Variants in LARS2 observed in about 807,000 individuals in gnomAD.
The protein encoded by LARS2 is leucyl-tRNA synthetase 2, mitochondrial.
Under a neutral mutation model 116.6 loss-of-function variants are expected in LARS2, and 81 were observed. The ratio of observed to expected loss-of-function variants is 0.69; its 90% CI spans 0.58 to 0.84. The LOEUF (loss-of-function observed/expected upper bound fraction) is 0.84. Ranked by LOEUF, LARS2 falls within the 40% of genes least tolerant of loss-of-function variation. The probability of loss-of-function intolerance (pLI) is 0.00; values close to 1 mark genes in which losing one functional copy is unlikely to be tolerated. For synonymous variants in LARS2, 396 were observed against 407.2 expected (o/e 0.97, Z 0.33); for missense variants, 968 against 1,114.5 (o/e 0.87, Z 1.87).
chr3:45,547,502 C>A lies in LARS2; in HGVS notation c.2684C>A (p.Ala895Asp). Residue 895 changes from alanine to aspartate, a missense_variant, in exon 22 of 22, where the codon GCC becomes GAC. Coordinates refer to ENST00000645846, the MANE Select transcript of LARS2 (RefSeq NM_015340.4). ...IKKSFLSPRT[A>D]LINFLVQD The stretch of plus-strand genomic sequence containing the variant: ...AAGTCCTTCCTTTCCCCGAGAACTG[C>A]CCTCATCAACTTCCTGGTGCAAGAT... 2 of 1,608,018 alleles carry A rather than the reference C, an allele frequency of 1.2e-6. No individual in the cohort carries two copies. Among genetic ancestry groups the A allele is most frequent in the Non-Finnish European group, 1.7e-6 (2 of 1,178,050 alleles).
At chr3:45,465,650 G>A (rs374695705) in intron 8 of LARS2, among the ~76,000 whole-genome samples, 3 of 152,344 alleles carry the variant, frequency 2.0e-5, no homozygotes, top group African/African-American at 7.2e-5. Context: ...ACTTCCTCCA[G>A]GAAAGGTCCT....
intron 6 of LARS2, among the ~76,000 whole-genome samples, chr3:45,436,708 G>A (rs1234917902): frequency 6.6e-6 from 1 of 151,650 alleles, no homozygotes; most frequent in Non-Finnish European, 1.5e-5. Context: ...GCAAGAGAAT[G>A]GCGTGAACCC....
At chr3:45,536,131 T>G (rs1700701702) in intron 20 of LARS2, among the ~76,000 whole-genome samples, 1 of 132,770 alleles carries the variant, frequency 7.5e-6, no homozygotes, top group South Asian at 2.7e-4. Context: ...TTTTATTTGT[T>G]TATTTTTTGA....
chr3:45,510,490 T>C (rs751333687), intron 15 of LARS2, among the ~76,000 whole-genome samples: 1 of 149,734 alleles, frequency 6.7e-6, no homozygotes, highest in Non-Finnish European at 1.5e-5. Flanking sequence ...TAAAATGTAA[T>C]AGCTGCTAGA....
rs761088045 is a variant in LARS2, at chr3:45,518,189, C to T, written c.2214+117C>T. ...GGTTGGGCCACTGTGGGTCTTCCTT[C>T]CTGGCAATGGCGGTCCTTCTTGCTT... is the stretch of plus-strand genomic sequence containing the variant. On this transcript the variant is annotated intron_variant, in intron 18 of 21. Coordinates refer to ENST00000645846, the MANE Select transcript of LARS2 (RefSeq NM_015340.4). 3.0e-4 allele frequency: 211 copies of T among 704,644 alleles called. 2 individuals carry two copies. Among genetic ancestry groups the T allele is most frequent in the Middle Eastern group, 2.7e-3 (7 of 2,572 alleles). 43.6% of individuals were successfully genotyped at this position (704,644 alleles called of 1,614,324 possible). A position where few individuals can be genotyped will look rare whatever the true frequency, so the allele number is the denominator to read the frequency against.
chr3:45,512,273 C>T (rs1700302774), intron 15 of LARS2, among the ~76,000 whole-genome samples: 1 of 152,220 alleles, frequency 6.6e-6, no homozygotes, highest in Non-Finnish European at 1.5e-5. Context: ...AAATACTTAA[C>T]GTGTGTTATC....
At chr3:45,416,804 G>A (rs1215241901) in intron 4 of LARS2, among the ~76,000 whole-genome samples, 1 of 152,212 alleles carries the variant, frequency 6.6e-6, no homozygotes, top group Non-Finnish European at 1.5e-5. Context: ...GCCGGGCACA[G>A]TGGCTCACGC....
chr3:45,446,843 G>A (rs773600356), intron 6 of LARS2, 48 bp from the exon 7 acceptor site: 11 of 1,109,668 alleles, frequency 9.9e-6, no homozygotes, highest in Non-Finnish European at 9.4e-6. Context: ...GCATGGCTGG[G>A]GGGATGTTTA....
At chr3:45,454,453 G>A (rs1384975767) in intron 7 of LARS2, among the ~76,000 whole-genome samples, 1 of 152,082 alleles carries the variant, frequency 6.6e-6, no homozygotes, top group Non-Finnish European at 1.5e-5. Flanking sequence ...TACCTTCTTT[G>A]GAATGTCCAA....
chr3:45,466,999 G>A (rs934106117), intron 8 of LARS2, among the ~76,000 whole-genome samples: 4 of 152,184 alleles, frequency 2.6e-5, no homozygotes, highest in African/African-American at 9.7e-5. Flanking sequence ...TAGCCAGTCA[G>A]CGTGTGTTGC....
chr3:45,533,102 A>G (rs1472997965), intron 20 of LARS2, among the ~76,000 whole-genome samples: 1 of 148,534 alleles, frequency 6.7e-6, no homozygotes, highest in East Asian at 2.0e-4. Flanking sequence ...TAAGCAGGAA[A>G]CATGGCTCTT....
At chr3:45,535,062 G>GA (rs1700680173) in intron 20 of LARS2, among the ~76,000 whole-genome samples, 4 of 152,082 alleles carry the variant, frequency 2.6e-5, no homozygotes, top group African/African-American at 9.7e-5. Context: ...TAAAAGAGCA[G>GA]AAAATCATCT....
intron 6 of LARS2, among the ~76,000 whole-genome samples, chr3:45,420,120 A>G (rs1160429766): frequency 6.6e-6 from 1 of 152,216 alleles, no homozygotes; most frequent in Non-Finnish European, 1.5e-5. Flanking sequence ...CTTTTGTTTT[A>G]AGTTCAGAAG....
At chr3:45,415,964 G>A (rs1698414536) in intron 4 of LARS2, among the ~76,000 whole-genome samples, 1 of 150,190 alleles carries the variant, frequency 6.7e-6, no homozygotes, top group African/African-American at 2.5e-5. Context: ...ATAGGGCTTA[G>A]TCCAAAGCCT....
At chr3:45,436,799 C>CAAA (rs61468802) in intron 6 of LARS2, among the ~76,000 whole-genome samples, 1,621 of 121,228 alleles carry the variant, frequency 0.013, 47 homozygotes, top group African/African-American at 0.048. Context: ...AGACTCGTCT[C>CAAA]AAAAAAAAAA....
At chr3:45,412,599 G>T (rs1483691303) in intron 4 of LARS2, among the ~76,000 whole-genome samples, 1 of 152,184 alleles carries the variant, frequency 6.6e-6, no homozygotes, top group Non-Finnish European at 1.5e-5. Context: ...AAGAAAAGCA[G>T]CCTATTCTGA....
chr3:45,397,052 A>G (rs1035278242), intron 3 of LARS2, among the ~76,000 whole-genome samples: 7 of 152,224 alleles, frequency 4.6e-5, no homozygotes, highest in Admixed American at 2.6e-4. Flanking sequence ...AGCGTGATCT[A>G]TAAAGAGGCA....
At position 45,520,286 on chromosome 3, in the gene LARS2, A is replaced by G. The variant is rs369702791; in HGVS notation, c.2282A>G (p.Asn761Ser). 1.1e-5 allele frequency: 18 copies of G among 1,612,632 alleles called. No individual in the cohort carries two copies. The African/African-American group carries it at 1.7e-4, about 16-fold the overall frequency. Residue 761 changes from asparagine to serine, a missense_variant, in exon 19 of 22, where the codon AAT becomes AGT. By Grantham distance (46) the Asn-to-Ser change is conservative. Transcript: ENST00000645846. ...ATTTCTCAGCTGATGGGACTCAGCAATGCCCTCTCGGTAAGTGGCCTGTCC... is the reference window on the plus strand; with the variant it reads ...ATTTCTCAGCTGATGGGACTCAGCAGTGCCCTCTCGGTAAGTGGCCTGTCC... ...SAISQLMGLS[N>S]ALSQASQSVI... is the part of the protein sequence containing the mutation.
intron 4 of LARS2, among the ~76,000 whole-genome samples, chr3:45,403,038 G>C (rs1256708561): frequency 6.9e-6 from 1 of 145,724 alleles, no homozygotes; most frequent in Non-Finnish European, 1.5e-5. Flanking sequence ...CCGGGAGGCA[G>C]AGGTTGCAGT....
Sources: gnomAD v4.1 joint callset for allele counts (sites outside exome capture counted in the v4.1 genomes callset) on GRCh38, gnomAD v4.1.1 for gene constraint, MANE v1.5 for transcripts, NCBI Gene and HGNC (gene_info 2026-07-23, HGNC 2026-07-21) for gene names.